The following GLIS3 variants were observed in gnomAD, a reference collection of about 807,000 sequenced individuals.
GLIS3 encodes GLIS family zinc finger 3, also known as zinc finger protein GLIS3.
In GLIS3, 53 loss-of-function variants were observed where a neutral mutation model predicts 78.6. That is an observed-to-expected ratio of 0.67 (90% CI 0.54 to 0.85). GLIS3 has a LOEUF of 0.85. GLIS3 is among the 40% of genes least tolerant of loss of function. GLIS3 has a pLI of 0.00. For missense variants in GLIS3, 1,703 were observed against 1,231.1 expected, an observed-to-expected ratio of 1.38 and a Z score of -5.74; for synonymous variants, 684 against 509.9, an observed-to-expected ratio of 1.34 and a Z score of -4.60.
At chr9:4,353,352 G>A (rs974579246), upstream of GLIS3, among the ~76,000 whole-genome samples, 2 of 152,148 alleles carry the variant, frequency 1.3e-5, no homozygotes, top group East Asian at 1.9e-4. Flanking sequence ...GTGAAGTCTC[G>A]GTCCTCTGAT....
At chr9:4,385,648 A>G in the GLIS3 span, among the ~76,000 whole-genome samples, 7 of 145,716 alleles carry the variant, frequency 4.8e-5, no homozygotes, top group South Asian at 4.5e-4. Flanking sequence ...CTGGGTGACA[A>G]CAGTGAAACT....
intron 4 of GLIS3, among the ~76,000 whole-genome samples, chr9:3,987,761 C>CAAAAAAAAAAAAAAAAAAAA (rs60986898): frequency 1.9e-4 from 2 of 10,462 alleles, no homozygotes; most frequent in African/African-American, 3.5e-4. Context: ...CTGGATTTGG[C>CAAAAAAAAAAAAAAAAAAAA]AAAAAAAAAA....
chr9:3,884,143 G>A (rs1211021057), intron 7 of GLIS3, among the ~76,000 whole-genome samples: 1 of 152,188 alleles, frequency 6.6e-6, no homozygotes, highest in African/African-American at 2.4e-5. Flanking sequence ...TGGTTAGTAT[G>A]CAGTTCTCTT....
chr9:4,066,420 C>T (rs1307887534), intron 4 of GLIS3, among the ~76,000 whole-genome samples: 2 of 152,144 alleles, frequency 1.3e-5, no homozygotes, highest in South Asian at 4.1e-4. Flanking sequence ...TTTTTCCAGC[C>T]ACCTCCTGGT....
At chr9:4,456,596 G>C in the GLIS3 span, among the ~76,000 whole-genome samples, 1 of 152,188 alleles carries the variant, frequency 6.6e-6, no homozygotes, top group Non-Finnish European at 1.5e-5. Flanking sequence ...TGGTGCAAGA[G>C]GCCTAGCTTT....
At chr9:3,999,163 G>A (rs547266311) in intron 4 of GLIS3, among the ~76,000 whole-genome samples, 2 of 152,234 alleles carry the variant, frequency 1.3e-5, no homozygotes, top group African/African-American at 2.4e-5. Context: ...GCTATGCCAT[G>A]GTAATTGAAC....
At chr9:4,126,447 T>C (rs1832589149) in intron 2 of GLIS3, among the ~76,000 whole-genome samples, 1 of 152,048 alleles carries the variant, frequency 6.6e-6, no homozygotes, top group African/African-American at 2.4e-5. Context: ...TTTTTTCTCC[T>C]CATCTCAACA....
chr9:4,209,158 AC>A (rs1820151533), intron 2 of GLIS3, among the ~76,000 whole-genome samples: 2 of 152,006 alleles, frequency 1.3e-5, no homozygotes, highest in East Asian at 1.9e-4. Flanking sequence ...CACTCTGGAG[AC>A]CCCCTGATCT....
intron 7 of GLIS3, among the ~76,000 whole-genome samples, chr9:3,880,733 C>T (rs1821674578): frequency 1.3e-5 from 2 of 152,172 alleles, no homozygotes; most frequent in Admixed American, 6.5e-5. Flanking sequence ...ATAAGTACCC[C>T]AGATGACCTA....
the GLIS3 span, among the ~76,000 whole-genome samples, chr9:4,456,201 A>T: frequency 6.6e-6 from 1 of 152,222 alleles, no homozygotes; most frequent in African/African-American, 2.4e-5. Flanking sequence ...CTTTAATTTT[A>T]AAATATTGCT....
At chr9:4,044,865 C>T (rs2130404481) in intron 4 of GLIS3, among the ~76,000 whole-genome samples, 2 of 152,070 alleles carry the variant, frequency 1.3e-5, no homozygotes, top group Middle Eastern at 6.8e-3. Context: ...CTTGAAAGTC[C>T]CCCAGGATAA....
At chr9:4,147,730 T>C (rs1247717039) in intron 2 of GLIS3, 1 of 151,674 alleles carries the variant, frequency 6.6e-6, no homozygotes, top group Non-Finnish European at 1.5e-5. Context: ...CTTGGGCAGG[T>C]CATTAACTTG....
intron 3 of GLIS3, among the ~76,000 whole-genome samples, chr9:4,119,526 A>G (rs1468914943): frequency 6.6e-6 from 1 of 152,210 alleles, no homozygotes; most frequent in African/African-American, 2.4e-5. Context: ...GAAAATGAAA[A>G]CAATATAAAA....
intron 2 of GLIS3, among the ~76,000 whole-genome samples, chr9:4,130,689 C>A (rs1832912683): frequency 6.6e-6 from 1 of 152,192 alleles, no homozygotes; most frequent in African/African-American, 2.4e-5. Flanking sequence ...CCTGGATGTC[C>A]AGACAGAAGC....
the GLIS3 span, among the ~76,000 whole-genome samples, chr9:4,376,719 A>C: frequency 7.4e-6 from 1 of 135,664 alleles, no homozygotes; most frequent in African/African-American, 2.6e-5. Context: ...ATATAACAAA[A>C]ACTATTAGAT....
rs1420188241 is a variant in GLIS3 at position 3,977,396 on chromosome 9, T to A, written c.1711-40207A>T. Among the ~76,000 whole-genome samples the A allele has an allele frequency of 1.3e-5, 2 of 152,168 alleles. No homozygotes were observed. The highest frequency in any genetic ancestry group is 2.4e-5 in the African/African-American group (1 of 41,436). ...ACAACCCTAATGGACACATTTAATTTATTTTGGAGAACTGAGGTTGATATC... is the reference window on the plus strand; with the variant it reads ...ACAACCCTAATGGACACATTTAATTAATTTTGGAGAACTGAGGTTGATATC... On this transcript the variant is annotated intron_variant, in intron 4 of 10. Coordinates refer to ENST00000381971, the MANE Select transcript of GLIS3 (RefSeq NM_001042413.2). This position sits in a 1 kb window ranked among gnomAD's most constrained non-coding sequence, Gnocchi z 4.1.
chr9:4,121,598 G>A (rs1198219133), intron 3 of GLIS3, among the ~76,000 whole-genome samples: 2 of 144,070 alleles, frequency 1.4e-5, no homozygotes, highest in African/African-American at 2.6e-5. Context: ...AATAAAACAG[G>A]GTTTGGGAAA....
intron 4 of GLIS3, among the ~76,000 whole-genome samples, chr9:4,090,913 G>C (rs1013574934): frequency 1.3e-5 from 2 of 152,206 alleles, no homozygotes; most frequent in African/African-American, 4.8e-5. Flanking sequence ...GCAGGTTCTA[G>C]AATCTGACTG....
chr9:4,459,077 T>G, the GLIS3 span, among the ~76,000 whole-genome samples: 1 of 152,034 alleles, frequency 6.6e-6, no homozygotes, highest in Admixed American at 6.6e-5. Flanking sequence ...ATGATCTGAT[T>G]TATGTTTTAG....
Sources: allele counts gnomAD v4.1 joint callset (sites outside exome capture counted in the v4.1 genomes callset), GRCh38; gene constraint gnomAD v4.1.1; non-coding constraint Gnocchi (gnomAD v3.1); transcripts MANE v1.5; gene names NCBI Gene and HGNC (gene_info 2026-07-23, HGNC 2026-07-21).